IL15: variants seen among roughly 807,000 people sequenced by gnomAD.
The protein encoded by IL15 is interleukin-15.
IL15 carries 11 observed loss-of-function variants against 19.6 expected under a neutral mutation model. The ratio of observed to expected loss-of-function variants is 0.56; its 90% confidence interval spans 0.35 to 0.93. The LOEUF is 0.93. Among genes scored for constraint, IL15 ranks in the 40% least tolerant of loss-of-function variants. IL15 has a pLI of 0.01. For synonymous variants in IL15, 58 were observed against 59.6 expected (o/e 0.97, Z 0.12); for missense variants, 197 against 186.5 (o/e 1.06, Z -0.33).
Position 141,701,198 on chromosome 4 carries a change from A to G in IL15, c.-99-18168A>G, listed in dbSNP as rs376592644. On this transcript the variant is annotated intron_variant, in intron 2 of 7. Transcript: ENST00000320650. ...GTGTTATAGAACCTTGTTTTGTCAT[A>G]TTACCAGAATTACTTTCCTAGTTCC... Among the ~76,000 whole-genome samples the G allele has an allele frequency of 1.1e-3, 163 of 151,484 alleles. 1 individual carries two copies. Among genetic ancestry groups the G allele is most frequent in the African/African-American group, 3.8e-3 (155 of 41,326 alleles).
chr4:141,674,693 C>G (rs1412353339), intron 2 of IL15, among the ~76,000 whole-genome samples: 1 of 152,098 alleles, frequency 6.6e-6, no homozygotes, highest in Non-Finnish European at 1.5e-5. Flanking sequence ...AAATAGTGTG[C>G]TAGGCATATT....
intron 2 of IL15, chr4:141,717,239 A>C (rs925964986): frequency 1.3e-5 from 2 of 152,250 alleles, no homozygotes; most frequent in Non-Finnish European, 2.9e-5. Context: ...GGGTAGGTGC[A>C]GAATGCTATG....
intron 1 of IL15, among the ~76,000 whole-genome samples, chr4:141,646,559 C>T (rs986154439): frequency 6.6e-6 from 1 of 152,064 alleles, no homozygotes; most frequent in Admixed American, 6.6e-5. Context: ...CTGTCCCAAC[C>T]CTGTTTGGGA....
At chr4:141,703,480 T>C (rs1729397821) in intron 2 of IL15, among the ~76,000 whole-genome samples, 1 of 152,146 alleles carries the variant, frequency 6.6e-6, no homozygotes, top group Non-Finnish European at 1.5e-5. Flanking sequence ...CTACTTTTAT[T>C]TTCACGAGGC....
chr4:141,660,003 CT>C (rs1727736738), intron 2 of IL15, among the ~76,000 whole-genome samples: 1 of 152,110 alleles, frequency 6.6e-6, no homozygotes, highest in Non-Finnish European at 1.5e-5. Context: ...CCTCAAGTAT[CT>C]CTTTCAATTT....
intron 2 of IL15, among the ~76,000 whole-genome samples, chr4:141,697,251 A>C (rs1393825611): frequency 1.3e-5 from 2 of 152,050 alleles, no homozygotes; most frequent in African/African-American, 4.8e-5. Context: ...TCCCAGCACT[A>C]TTTATTGAGT....
chr4:141,659,460 C>T (rs186386650), intron 2 of IL15, among the ~76,000 whole-genome samples: 11 of 152,118 alleles, frequency 7.2e-5, no homozygotes, highest in South Asian at 4.1e-4. Context: ...CTCGGCCTCC[C>T]GAAGTGCTGA....
At chr4:141,664,696 T>C (rs1273299724) in intron 2 of IL15, among the ~76,000 whole-genome samples, 1 of 152,228 alleles carries the variant, frequency 6.6e-6, no homozygotes, top group Non-Finnish European at 1.5e-5. Context: ...CTAAATTTGC[T>C]TGCGTTTTAT....
chr4:141,725,548 T>C (rs1185635200), intron 5 of IL15, among the ~76,000 whole-genome samples: 1 of 152,168 alleles, frequency 6.6e-6, no homozygotes, highest in Non-Finnish European at 1.5e-5. Context: ...TAAAGTTCTA[T>C]TATTTAAGTC....
At chr4:141,728,915 A>G (rs1730358272) in intron 6 of IL15, among the ~76,000 whole-genome samples, 1 of 152,104 alleles carries the variant, frequency 6.6e-6, no homozygotes, top group African/African-American at 2.4e-5. Context: ...TTTGCAACCC[A>G]TGGGTTAGAG....
chr4:141,721,815 G>A (rs993885848), intron 4 of IL15, 109 bp from the exon 5 acceptor site: 3 of 955,084 alleles, frequency 3.1e-6, no homozygotes, highest in Non-Finnish European at 4.7e-6. Context: ...GGATAACACT[G>A]ATTTTTTCAC....
intron 2 of IL15, among the ~76,000 whole-genome samples, chr4:141,695,452 A>T (rs1240905674): frequency 6.6e-6 from 1 of 151,956 alleles, no homozygotes; most frequent in Non-Finnish European, 1.5e-5. Flanking sequence ...GTGAATATAT[A>T]TCACATTGTA....
At position 141,637,041 on chromosome 4, in the gene IL15, G is replaced by C. The variant is rs944755676; in HGVS notation, c.-222+293G>C. 1.9e-4 allele frequency: 29 copies of C among 152,274 alleles called. 2 individuals carry two copies. The highest frequency in any genetic ancestry group is 1.8e-3 in the Admixed American group (28 of 15,290). 9.4% of individuals were successfully genotyped at this position (152,274 alleles called of 1,614,324 possible). A position where few individuals can be genotyped will look rare whatever the true frequency, so the allele number is the denominator to read the frequency against. ...GGCGTGCGACTCCCTACTGCGCTGC[G>C]CTCTTACGGCGTTCCAGGCTGCTGG... is the stretch of plus-strand genomic sequence containing the variant. On this transcript the variant is annotated intron_variant, in intron 1 of 7. Coordinates refer to ENST00000320650, the MANE Select transcript of IL15 (RefSeq NM_000585.5).
intron 2 of IL15, among the ~76,000 whole-genome samples, chr4:141,695,608 T>C (rs899732723): frequency 1.3e-5 from 2 of 152,138 alleles, no homozygotes; most frequent in African/African-American, 4.8e-5. Flanking sequence ...GTTGGATTGC[T>C]GGATCCTATG....
intron 2 of IL15, among the ~76,000 whole-genome samples, chr4:141,671,557 G>A (rs1167294735): frequency 6.6e-6 from 1 of 152,062 alleles, no homozygotes; most frequent in Non-Finnish European, 1.5e-5. Flanking sequence ...GGGCTCATTC[G>A]ATATCTCCTC....
chr4:141,692,504 A>G (rs1351452704), intron 2 of IL15, among the ~76,000 whole-genome samples: 2 of 152,182 alleles, frequency 1.3e-5, no homozygotes, highest in African/African-American at 2.4e-5. Context: ...ATTTCAAACT[A>G]TCTCTGTGAG....
chr4:141,665,686 T>A (rs1727947883), intron 2 of IL15, among the ~76,000 whole-genome samples: 1 of 152,228 alleles, frequency 6.6e-6, no homozygotes, highest in Admixed American at 6.5e-5. Context: ...TTTTATTGAT[T>A]TCTTTATATA....
chr4:141,723,963 A>C (rs1730177699), intron 5 of IL15, among the ~76,000 whole-genome samples: 1 of 152,174 alleles, frequency 6.6e-6, no homozygotes, highest in African/African-American at 2.4e-5. Flanking sequence ...AAAGGGCATA[A>C]AAATACAATA....
chr4:141,703,231 T>C (rs1012985934), intron 2 of IL15, among the ~76,000 whole-genome samples: 2 of 152,222 alleles, frequency 1.3e-5, no homozygotes, highest in Non-Finnish European at 2.9e-5. Context: ...TCCTCTCGTC[T>C]GCCCTCAAGG....
Sources: allele counts gnomAD v4.1 joint callset (sites outside exome capture counted in the v4.1 genomes callset), GRCh38; gene constraint gnomAD v4.1.1; transcripts MANE v1.5; gene names NCBI Gene and HGNC (gene_info 2026-07-23, HGNC 2026-07-21).